Variants in NREP observed in about 807,000 individuals in gnomAD.
The protein encoded by NREP is neuronal regeneration related protein.
A neutral mutation model predicts 8.6 loss-of-function variants in NREP; 5 were observed. The ratio of observed to expected loss-of-function variants is 0.58; its 90% CI spans 0.30 to 1.22. The LOEUF (loss-of-function observed/expected upper bound fraction) is 1.22, where lower values mean the gene tolerates loss of function less well. Ranked by LOEUF, NREP falls within the 50% of genes most tolerant of loss-of-function variation. The probability of loss-of-function intolerance (pLI) is 0.07; values close to 1 mark genes in which losing one functional copy is unlikely to be tolerated. For missense variants in NREP, 86 were observed against 82.5 expected, an observed-to-expected ratio of 1.04 and a Z score of -0.17; for synonymous variants, 27 against 28.0, an observed-to-expected ratio of 0.96 and a Z score of 0.11.
chr5:111,883,993 T>G (rs1356390048), intron 2 of NREP, among the ~76,000 whole-genome samples: 1 of 151,636 alleles, frequency 6.6e-6, no homozygotes, highest in Non-Finnish European at 1.5e-5. Flanking sequence ...CTGAAGGAAA[T>G]AGAGACACAA....
At chr5:111,885,650 C>T (rs528336878) in intron 2 of NREP, among the ~76,000 whole-genome samples, 81 of 152,070 alleles carry the variant, frequency 5.3e-4, no homozygotes, top group African/African-American at 1.7e-3. Context: ...CAGAACAGAG[C>T]CCTCAGAAAT....
intron 2 of NREP, among the ~76,000 whole-genome samples, chr5:111,765,287 C>T (rs1263784387): frequency 1.3e-5 from 2 of 152,144 alleles, no homozygotes; most frequent in Non-Finnish European, 2.9e-5. Flanking sequence ...AGAGCTTAGG[C>T]AGTAATGCTT....
At chr5:111,950,744 G>T (rs1014013899) in intron 2 of NREP, among the ~76,000 whole-genome samples, 5 of 148,358 alleles carry the variant, frequency 3.4e-5, no homozygotes, top group Non-Finnish European at 7.4e-5. Flanking sequence ...GTGGGCAAAG[G>T]ATATGAACAG....
intron 2 of NREP, among the ~76,000 whole-genome samples, chr5:111,871,025 G>A (rs1753776941): frequency 6.7e-6 from 1 of 150,060 alleles, no homozygotes; most frequent in South Asian, 2.1e-4. Flanking sequence ...GTATTAGTAA[G>A]GGTTCTCTAG....
chr5:111,740,038 G>A (rs1749513296), intron 2 of NREP, among the ~76,000 whole-genome samples: 1 of 151,782 alleles, frequency 6.6e-6, no homozygotes, highest in Non-Finnish European at 1.5e-5. Context: ...TAGAGGGAAG[G>A]AAAATTTTGT....
chr5:111,844,604 CA>C (rs1185248638), intron 2 of NREP, among the ~76,000 whole-genome samples: 3 of 148,458 alleles, frequency 2.0e-5, no homozygotes, highest in African/African-American at 7.4e-5. Context: ...ATTTATTTTG[CA>C]ATCATTCTTG....
At chr5:111,887,187 G>T (rs77789985) in intron 2 of NREP, among the ~76,000 whole-genome samples, 3 of 151,842 alleles carry the variant, frequency 2.0e-5, no homozygotes, top group South Asian at 2.1e-4. Flanking sequence ...GTCTCCCAAG[G>T]TGCTGAGATT....
At position 111,904,553 on chromosome 5, in the gene NREP, T is replaced by A. The variant is rs936646184; in HGVS notation, c.135+70721A>T. Among the ~76,000 whole-genome samples the A allele has an allele frequency of 5.9e-5, 9 of 152,250 alleles. No homozygotes were observed. In the East Asian group the frequency reaches 1.5e-3, roughly 26 times the overall value. On this transcript the variant is annotated intron_variant, in intron 2 of 3. Coordinates refer to the NREP transcript ENST00000395634. Reference sequence around the variant, plus strand: ...GTTTTCTCTCACTAAGCAATATTCATTTAAGGTTCCTCCATGTCATTTTGT... The same window carrying A: ...GTTTTCTCTCACTAAGCAATATTCAATTAAGGTTCCTCCATGTCATTTTGT...
At chr5:111,930,467 T>C (rs1413455113) in intron 2 of NREP, among the ~76,000 whole-genome samples, 1 of 152,142 alleles carries the variant, frequency 6.6e-6, no homozygotes, top group Non-Finnish European at 1.5e-5. Flanking sequence ...TTTTCAGAAA[T>C]TTTTTACACC....
At chr5:111,859,060 A>G (rs1035598358) in intron 2 of NREP, among the ~76,000 whole-genome samples, 1 of 152,154 alleles carries the variant, frequency 6.6e-6, no homozygotes, top group Non-Finnish European at 1.5e-5. Context: ...CCTGCTGCCC[A>G]TGTGCCTCTG....
At chr5:111,904,462 C>T (rs1478086220) in intron 2 of NREP, among the ~76,000 whole-genome samples, 1 of 152,112 alleles carries the variant, frequency 6.6e-6, no homozygotes, top group African/African-American at 2.4e-5. Context: ...TTTACTATCT[C>T]TACAGTTTTG....
chr5:111,959,229 T>C (rs1230676618), intron 2 of NREP, among the ~76,000 whole-genome samples: 1 of 151,950 alleles, frequency 6.6e-6, no homozygotes, highest in African/African-American at 2.4e-5. Context: ...TCTAACTTAC[T>C]CTGTGAGTTC....
intron 2 of NREP, among the ~76,000 whole-genome samples, chr5:111,883,522 T>G (rs1305556475): frequency 6.6e-6 from 1 of 151,796 alleles, no homozygotes; most frequent in African/African-American, 2.4e-5. Context: ...GAATATACAC[T>G]TTTTTCAGCA....
chr5:111,774,873 G>C (rs1042188082), intron 2 of NREP, among the ~76,000 whole-genome samples: 1 of 152,202 alleles, frequency 6.6e-6, no homozygotes, highest in African/African-American at 2.4e-5. Context: ...ATGAGATAAA[G>C]TATGGGTGTT....
chr5:111,947,738 T>C (rs1164384439), intron 2 of NREP, among the ~76,000 whole-genome samples: 1 of 152,080 alleles, frequency 6.6e-6, no homozygotes, highest in Non-Finnish European at 1.5e-5. Flanking sequence ...CTCTTCAGAA[T>C]GGCACATGAA....
At chr5:111,836,195 G>T (rs764723057) in intron 2 of NREP, among the ~76,000 whole-genome samples, 1 of 152,080 alleles carries the variant, frequency 6.6e-6, no homozygotes, top group Admixed American at 6.6e-5. Context: ...ACCTTGGTAG[G>T]CAATAGGTAC....
In NREP at chr5:111,917,003, C is replaced by T. The variant is rs75162171; in HGVS notation, c.135+58271G>A. Among the ~76,000 whole-genome samples the T allele has an allele frequency of 1.9e-3, 294 of 152,172 alleles. 7 individuals carry two copies. In the East Asian group the frequency reaches 0.041, roughly 21 times the overall value. On this transcript the variant is annotated intron_variant, in intron 2 of 3. Coordinates refer to the NREP transcript ENST00000395634. ...CGCTTGGAAGAGACCCAAATGGGCA[C>T]CGTGGAGATCCAATGTGGCATTTGA...
chr5:111,769,670 C>T (rs1347292017), intron 2 of NREP, among the ~76,000 whole-genome samples: 1 of 152,162 alleles, frequency 6.6e-6, no homozygotes, highest in Non-Finnish European at 1.5e-5. Context: ...TGGGAGGCCT[C>T]AGAAAACTTA....
At chr5:111,859,011 C>A (rs1005790671) in intron 2 of NREP, among the ~76,000 whole-genome samples, 4 of 152,130 alleles carry the variant, frequency 2.6e-5, no homozygotes, top group African/African-American at 9.7e-5. Flanking sequence ...CAAGAAAGTT[C>A]TTTTCCCTTC....
Sources: gnomAD v4.1 joint callset for allele counts (sites outside exome capture counted in the v4.1 genomes callset) on GRCh38, gnomAD v4.1.1 for gene constraint, MANE v1.5 for transcripts, NCBI Gene and HGNC (gene_info 2026-07-23, HGNC 2026-07-21) for gene names.